ARHGAP24: variants seen among roughly 807,000 people sequenced by gnomAD.
The protein encoded by ARHGAP24 is Rho GTPase activating protein 24, also known as rho GTPase-activating protein 24.
ARHGAP24 carries 50 observed loss-of-function variants against 76.4 expected under a neutral mutation model. The ratio of observed to expected loss-of-function variants is 0.65; its 90% CI spans 0.52 to 0.83. The LOEUF is 0.83. ARHGAP24 is among the 40% of genes least tolerant of loss of function. The pLI, the probability that ARHGAP24 is intolerant of heterozygous loss-of-function variation, is 0.00. For synonymous variants in ARHGAP24, 345 were observed against 323.3 expected (o/e 1.07, Z -0.72); for missense variants, 930 against 914.2 (o/e 1.02, Z -0.22).
chr4:85,708,341 C>G (rs1425237784), intron 2 of ARHGAP24, among the ~76,000 whole-genome samples: 1 of 152,088 alleles, frequency 6.6e-6, no homozygotes, highest in Non-Finnish European at 1.5e-5. Context: ...ATTTACTAAT[C>G]CCTGACCATG....
At chr4:85,976,982 C>T (rs1578457359) in intron 7 of ARHGAP24, among the ~76,000 whole-genome samples, 1 of 151,988 alleles carries the variant, frequency 6.6e-6, no homozygotes, top group East Asian at 1.9e-4. Flanking sequence ...GATGGGGTTT[C>T]ACCATGTGTT....
At chr4:85,914,462 G>A (rs796845517) in intron 3 of ARHGAP24, among the ~76,000 whole-genome samples, 14 of 152,256 alleles carry the variant, frequency 9.2e-5, no homozygotes, top group African/African-American at 1.7e-4. Context: ...GGGTGCTGCC[G>A]AGGTTATTTG....
At chr4:85,790,560 AT>A (rs1320696447) in intron 3 of ARHGAP24, among the ~76,000 whole-genome samples, 2 of 152,176 alleles carry the variant, frequency 1.3e-5, no homozygotes, top group Non-Finnish European at 2.9e-5. Flanking sequence ...AGAGTAAAAA[AT>A]CTCTCCTTCA....
intron 8 of ARHGAP24, among the ~76,000 whole-genome samples, chr4:85,982,107 C>T (rs1739702125): frequency 1.3e-5 from 2 of 151,468 alleles, no homozygotes; most frequent in Admixed American, 6.6e-5. Context: ...TTTGACTTGG[C>T]TATCTAGTTG....
At chr4:85,595,652 A>G (rs550080648) in intron 2 of ARHGAP24, among the ~76,000 whole-genome samples, 1 of 152,238 alleles carries the variant, frequency 6.6e-6, no homozygotes, top group South Asian at 2.1e-4. Flanking sequence ...AATAAGACTT[A>G]TGAAACAAGT....
At chr4:85,853,544 C>G (rs567158119) in intron 3 of ARHGAP24, among the ~76,000 whole-genome samples, 1 of 152,312 alleles carries the variant, frequency 6.6e-6, no homozygotes, top group South Asian at 2.1e-4. Context: ...GCAGAAATCA[C>G]CCATCTTCTG....
chr4:85,572,094 A>C (rs1727162304), intron 2 of ARHGAP24, among the ~76,000 whole-genome samples: 1 of 152,198 alleles, frequency 6.6e-6, no homozygotes, highest in Admixed American at 6.5e-5. Context: ...AAGTGATGTA[A>C]TCAAGATCAT....
intron 3 of ARHGAP24, among the ~76,000 whole-genome samples, chr4:85,743,603 C>G (rs891993328): frequency 6.6e-6 from 1 of 151,760 alleles, no homozygotes; most frequent in African/African-American, 2.4e-5. Flanking sequence ...AAAGAAAGAG[C>G]CAATGAAACA....
At chr4:85,836,679 A>G (rs1730309083) in intron 3 of ARHGAP24, among the ~76,000 whole-genome samples, 1 of 152,156 alleles carries the variant, frequency 6.6e-6, no homozygotes, top group Non-Finnish European at 1.5e-5. Flanking sequence ...ACATAATTCA[A>G]CCCCTAGCAT....
At chr4:85,586,720 A>G (rs1285939148) in intron 2 of ARHGAP24, among the ~76,000 whole-genome samples, 1 of 152,006 alleles carries the variant, frequency 6.6e-6, no homozygotes, top group Non-Finnish European at 1.5e-5. Context: ...CAATATGGTG[A>G]AACCCCATCT....
At chr4:85,861,207 G>T (rs1351875863) in intron 3 of ARHGAP24, among the ~76,000 whole-genome samples, 1 of 152,034 alleles carries the variant, frequency 6.6e-6, no homozygotes, top group Non-Finnish European at 1.5e-5. Context: ...CATTCAGCTA[G>T]CTCTGGCTGG....
At chr4:85,839,847 T>TC (rs1730495776) in intron 3 of ARHGAP24, among the ~76,000 whole-genome samples, 1 of 125,920 alleles carries the variant, frequency 7.9e-6, no homozygotes, top group South Asian at 2.7e-4. Flanking sequence ...TGTTTTCTTT[T>TC]TTTTTTTTTT....
chr4:85,638,414 C>G, intron 2 of ARHGAP24, among the ~76,000 whole-genome samples: 1 of 152,118 alleles, frequency 6.6e-6, no homozygotes, highest in East Asian at 1.9e-4. Context: ...ACTTGAAAAA[C>G]TAAAGGGATG....
At chr4:85,803,441 G>A (rs750736087) in intron 3 of ARHGAP24, among the ~76,000 whole-genome samples, 1 of 152,190 alleles carries the variant, frequency 6.6e-6, no homozygotes, top group Non-Finnish European at 1.5e-5. Context: ...GGAATGAAGA[G>A]GAAGAAGGGA....
chr4:85,607,826 C>T (rs1386792657), intron 2 of ARHGAP24, among the ~76,000 whole-genome samples: 3 of 150,172 alleles, frequency 2.0e-5, no homozygotes, highest in Non-Finnish European at 4.4e-5. Context: ...CAGGGTTTAG[C>T]CCCTTGGTCT....
At chr4:85,858,482 G>A (rs1354334288) in intron 3 of ARHGAP24, among the ~76,000 whole-genome samples, 1 of 152,130 alleles carries the variant, frequency 6.6e-6, no homozygotes, top group African/African-American at 2.4e-5. Context: ...CCCATTCACA[G>A]CAATAGCATT....
At chr4:85,945,887 G>A (rs577815150) in intron 5 of ARHGAP24, among the ~76,000 whole-genome samples, 1 of 151,750 alleles carries the variant, frequency 6.6e-6, no homozygotes, top group Non-Finnish European at 1.5e-5. Flanking sequence ...TTACTATTCT[G>A]TATTGGTCTG....
At chr4:85,746,892 A>T (rs1375857611) in intron 3 of ARHGAP24, among the ~76,000 whole-genome samples, 3 of 151,870 alleles carry the variant, frequency 2.0e-5, no homozygotes, top group Non-Finnish European at 4.4e-5. Context: ...TGACCTCGTG[A>T]TCTGCCCGCC....
intron 1 of ARHGAP24, among the ~76,000 whole-genome samples, chr4:85,559,647 G>C (rs1298731334): frequency 2.0e-5 from 3 of 152,164 alleles, no homozygotes; most frequent in Non-Finnish European, 4.4e-5. Flanking sequence ...ACACACAAAA[G>C]CTTAAAAATT....
Sources: allele counts gnomAD v4.1 joint callset (sites outside exome capture counted in the v4.1 genomes callset), GRCh38; gene constraint gnomAD v4.1.1; transcripts MANE v1.5; gene names NCBI Gene and HGNC (gene_info 2026-07-23, HGNC 2026-07-21).